The following OR6N1 variants were observed in gnomAD, a reference collection of about 807,000 sequenced individuals.
OR6N1 encodes the protein olfactory receptor 6N1.
For missense variants in OR6N1, 394 were observed against 371.7 expected (o/e 1.06, Z -0.49); for synonymous variants, 170 against 150.7 (o/e 1.13, Z -0.94).
the OR6N1 span, among the ~76,000 whole-genome samples, chr1:158,818,343 G>A: frequency 6.6e-6 from 1 of 152,124 alleles, no homozygotes; most frequent in African/African-American, 2.4e-5. Context: ...TCAACAAATA[G>A]GTATTAAATT....
the OR6N1 span, among the ~76,000 whole-genome samples, chr1:158,818,677 G>A: frequency 2.0e-5 from 3 of 152,132 alleles, no homozygotes; most frequent in African/African-American, 7.2e-5. Flanking sequence ...AATGCGCCTG[G>A]GAATCTTTGA....
At chr1:158,804,458 T>G in the OR6N1 span, among the ~76,000 whole-genome samples, 1 of 152,346 alleles carries the variant, frequency 6.6e-6, no homozygotes, top group African/African-American at 2.4e-5. Context: ...ACTGATATCT[T>G]CATCAAGCAA....
the OR6N1 span, among the ~76,000 whole-genome samples, chr1:158,828,871 G>A: frequency 2.6e-5 from 4 of 152,182 alleles, no homozygotes; most frequent in Non-Finnish European, 5.9e-5. Context: ...CTAGGCAGAG[G>A]TTCCCAAACC....
At chr1:158,829,742 T>A in the OR6N1 span, among the ~76,000 whole-genome samples, 3 of 152,186 alleles carry the variant, frequency 2.0e-5, no homozygotes, top group African/African-American at 7.2e-5. Context: ...TATTAGTCTG[T>A]TTTCATGCTG....
At chr1:158,799,488 G>A in the OR6N1 span, among the ~76,000 whole-genome samples, 1,304 of 152,278 alleles carry the variant, frequency 8.6e-3, 10 homozygotes, top group Non-Finnish European at 0.014. Flanking sequence ...GTCAGGGATG[G>A]TAAGGAGGGT....
the OR6N1 span, among the ~76,000 whole-genome samples, chr1:158,816,825 AC>A: frequency 1.3e-5 from 2 of 152,264 alleles, no homozygotes. Context: ...TTCAGATCCT[AC>A]TTTCTTTAAG....
At chr1:158,819,991 C>A in the OR6N1 span, among the ~76,000 whole-genome samples, 41 of 152,186 alleles carry the variant, frequency 2.7e-4, 1 homozygote, top group Admixed American at 8.5e-4. Flanking sequence ...AGCTGACAGC[C>A]ATGAACAGAG....
At chr1:158,803,693 A>G in the OR6N1 span, among the ~76,000 whole-genome samples, 2 of 152,258 alleles carry the variant, frequency 1.3e-5, no homozygotes, top group African/African-American at 2.4e-5. Flanking sequence ...TACAATGCCC[A>G]TGCATGATCC....
the OR6N1 span, among the ~76,000 whole-genome samples, chr1:158,824,274 C>A: frequency 6.6e-6 from 1 of 152,084 alleles, no homozygotes; most frequent in Admixed American, 6.6e-5. Flanking sequence ...TTTTTGCCTG[C>A]TACCATCCAT....
intron 1 of OR6N1, among the ~76,000 whole-genome samples, chr1:158,767,019 C>T (rs1482270506): frequency 6.6e-6 from 1 of 151,918 alleles, no homozygotes; most frequent in African/African-American, 2.4e-5. Flanking sequence ...TATTTCTAAT[C>T]CAAGGTATAT....
the OR6N1 span, among the ~76,000 whole-genome samples, chr1:158,793,085 A>G: frequency 5.3e-5 from 8 of 151,954 alleles, no homozygotes; most frequent in African/African-American, 1.9e-4. Context: ...TGCTTTTTGC[A>G]GTTCCTTAAA....
the OR6N1 span, among the ~76,000 whole-genome samples, chr1:158,790,791 T>C: frequency 1.4e-4 from 21 of 152,170 alleles, no homozygotes; most frequent in Admixed American, 2.0e-4. Flanking sequence ...ATGAGTGATA[T>C]GGTTTTGGCC....
chr1:158,832,307 A>T, the OR6N1 span, among the ~76,000 whole-genome samples: 2 of 151,942 alleles, frequency 1.3e-5, no homozygotes, highest in African/African-American at 4.8e-5. Context: ...TAAACGTTGG[A>T]TTCCAAATTC....
At chr1:158,779,234 T>C in the OR6N1 span, among the ~76,000 whole-genome samples, 2 of 152,092 alleles carry the variant, frequency 1.3e-5, no homozygotes, top group Admixed American at 1.3e-4. Flanking sequence ...AAATTCACAA[T>C]GCAACTTTAA....
chr1:158,810,051 T>G, the OR6N1 span, among the ~76,000 whole-genome samples: 1 of 152,194 alleles, frequency 6.6e-6, no homozygotes, highest in Admixed American at 6.5e-5. Context: ...AGCATTAGGT[T>G]GAGCAACTTT....
At chr1:158,781,920 G>A in the OR6N1 span, among the ~76,000 whole-genome samples, 3 of 152,340 alleles carry the variant, frequency 2.0e-5, no homozygotes, top group African/African-American at 7.2e-5. Context: ...GTACATTTGA[G>A]AAAACTGAAG....
At chr1:158,836,165 A>G in the OR6N1 span, among the ~76,000 whole-genome samples, 2 of 151,978 alleles carry the variant, frequency 1.3e-5, no homozygotes, top group African/African-American at 4.8e-5. Context: ...ATCGACATGC[A>G]TAAGGGATAT....
chr1:158,827,754 G>A, the OR6N1 span, among the ~76,000 whole-genome samples: 1 of 152,122 alleles, frequency 6.6e-6, no homozygotes, highest in Admixed American at 6.5e-5. Flanking sequence ...TTGTCTGGTG[G>A]AGAACCAACA....
the OR6N1 span, among the ~76,000 whole-genome samples, chr1:158,799,305 C>T: frequency 1.3e-5 from 2 of 152,064 alleles, no homozygotes; most frequent in South Asian, 2.1e-4. Context: ...ACGTTTAGAC[C>T]TTAATAAACA....
Sources: gnomAD v4.1 joint callset for allele counts (sites outside exome capture counted in the v4.1 genomes callset) on GRCh38, gnomAD v4.1.1 for gene constraint, MANE v1.5 for transcripts, NCBI Gene and HGNC (gene_info 2026-07-23, HGNC 2026-07-21) for gene names.